The following PCDHGB5 variants were observed in gnomAD, a reference collection of about 807,000 sequenced individuals.
PCDHGB5 encodes protocadherin gamma subfamily B, 5, also known as protocadherin gamma-B5.
A neutral mutation model predicts 62.9 loss-of-function variants in PCDHGB5; 48 were observed. The observed-to-expected ratio is 0.76, with a 90% CI of 0.61 to 0.97. PCDHGB5 has a LOEUF of 0.97. PCDHGB5 is among the 50% of genes least tolerant of loss of function. The pLI, the probability that PCDHGB5 is intolerant of heterozygous loss-of-function variation, is 0.00. For synonymous variants in PCDHGB5, 474 were observed against 511.2 expected, an observed-to-expected ratio of 0.93 and a Z score of 0.98; for missense variants, 1,118 against 1,198.6, an observed-to-expected ratio of 0.93 and a Z score of 0.99.
rs2099745754 is a variant in PCDHGB5 at position 141,493,023 on chromosome 5, T to A, written c.2398-1784T>A. Among the ~76,000 whole-genome samples the A allele has an allele frequency of 6.6e-6, 1 of 152,190 alleles. No individual in the cohort carries two copies. The highest frequency in any genetic ancestry group is 2.4e-5 in the African/African-American group (1 of 41,450). On this transcript the variant is annotated intron_variant, in intron 1 of 3. Coordinates refer to ENST00000617380, the MANE Select transcript of PCDHGB5 (RefSeq NM_018925.3). The surrounding 1 kb of genome is among the most constrained non-coding windows in gnomAD (Gnocchi z 4.3). ...CTATAGGCTCTGCCAGATGCCAGGGTGCCCTTATGTGTGAGGAAACTACAA... is the reference window on the plus strand; with the variant it reads ...CTATAGGCTCTGCCAGATGCCAGGGAGCCCTTATGTGTGAGGAAACTACAA...
chr5:141,491,884 G>C lies in PCDHGB5; in HGVS notation c.2398-2923G>C, dbSNP rs745931108. 5.0e-5 allele frequency: 73 copies of C among 1,446,372 alleles called. No homozygotes were observed. The highest frequency in any genetic ancestry group is 6.3e-5 in the Non-Finnish European group (69 of 1,094,334). The allele number at this position is 1,446,372 out of a possible 1,614,324, so 89.6% of individuals were successfully genotyped here. A position where few individuals can be genotyped will look rare whatever the true frequency, so the allele number is the denominator to read the frequency against. On this transcript the variant is annotated intron_variant, in intron 1 of 3. Coordinates refer to ENST00000617380, the MANE Select transcript of PCDHGB5 (RefSeq NM_018925.3). The surrounding 1 kb of genome is among the most constrained non-coding windows in gnomAD (Gnocchi z 6.9). The stretch of plus-strand genomic sequence containing the variant: ...AACCAGAGTGGCCGATTAAGGGATG[G>C]GGCTCCGAGCACCGGGGGTGGTGGC...
At chr5:141,422,891 A>G in intron 1 of PCDHGB5, 3 of 1,614,192 alleles carry the variant, frequency 1.9e-6, no homozygotes, top group Non-Finnish European at 2.5e-6. Context: ...TTCGTGCTGG[A>G]CCAGAACGAC....
chr5:141,478,319 T>A, intron 1 of PCDHGB5: 4 of 1,614,052 alleles, frequency 2.5e-6, no homozygotes, highest in Non-Finnish European at 3.4e-6. Flanking sequence ...GAGCTCACTG[T>A]ACCGAACACC....
In PCDHGB5 at chr5:141,490,410, T is replaced by C. The variant is rs2099699827; in HGVS notation, c.2398-4397T>C. ...ATGGTGAAGTGAGCCTTGATATCTC[T>C]CCGGACCTGCCATTTCAGATTAAGC... On this transcript the variant is annotated intron_variant, in intron 1 of 3. Coordinates refer to ENST00000617380, the MANE Select transcript of PCDHGB5 (RefSeq NM_018925.3). The surrounding 1 kb of genome is among the most constrained non-coding windows in gnomAD (Gnocchi z 5.4). 1 of 1,614,172 alleles carries C rather than the reference T, an allele frequency of 6.2e-7. No individual in the cohort carries two copies. Among genetic ancestry groups the C allele is most frequent in the Non-Finnish European group, 8.5e-7 (1 of 1,180,042 alleles).
Position 141,486,895 on chromosome 5 carries a change from C to T in PCDHGB5, c.2398-7912C>T, listed in dbSNP as rs1286004461. ...TCCGTCCTCGGGCCCGGCCTGGTTC[C>T]TTATGTCCCCAAGCACTGCCTCCAT... On this transcript the variant is annotated intron_variant, in intron 1 of 3. Coordinates refer to ENST00000617380, the MANE Select transcript of PCDHGB5 (RefSeq NM_018925.3). This position sits in a 1 kb window ranked among gnomAD's most constrained non-coding sequence, Gnocchi z 5.0. 3 of 1,614,134 alleles carry T rather than the reference C, an allele frequency of 1.9e-6. No homozygotes were observed. The highest frequency in any genetic ancestry group is 3.3e-5 in the Admixed American group (2 of 60,012).
chr5:141,464,524 T>C (rs2099086175), intron 1 of PCDHGB5, among the ~76,000 whole-genome samples: 1 of 152,094 alleles, frequency 6.6e-6, no homozygotes, highest in Non-Finnish European at 1.5e-5. Context: ...AAGGCATATG[T>C]AGTTTTGTTA....
chr5:141,414,778 C>T (rs1346896593), intron 1 of PCDHGB5: 12 of 1,614,202 alleles, frequency 7.4e-6, no homozygotes, highest in Non-Finnish European at 1.0e-5. Context: ...GCTACAGATG[C>T]AGGTGACAGC....
intron 1 of PCDHGB5, among the ~76,000 whole-genome samples, chr5:141,469,882 G>A (rs760102003): frequency 2.6e-5 from 4 of 152,280 alleles, no homozygotes; most frequent in Non-Finnish European, 4.4e-5. Context: ...TGTAATCTCG[G>A]CACTTTGGGA....
chr5:141,487,749 A>G lies in PCDHGB5; in HGVS notation c.2398-7058A>G, dbSNP rs574710316. 3.9e-5 allele frequency: 60 copies of G among 1,557,180 alleles called. No homozygotes were observed. The African/African-American group carries it at 5.6e-4, about 14-fold the overall frequency. ...GTCACCATTTTTGTAAGAGGTAACT[A>G]TGTGGTAGACGCTGTGCTTTGTAAC... is the stretch of plus-strand genomic sequence containing the variant. On this transcript the variant is annotated intron_variant, in intron 1 of 3. Coordinates refer to ENST00000617380, the MANE Select transcript of PCDHGB5 (RefSeq NM_018925.3). The surrounding 1 kb of genome is among the most constrained non-coding windows in gnomAD (Gnocchi z 5.0).
chr5:141,490,010 T>C lies in PCDHGB5; in HGVS notation c.2398-4797T>C, dbSNP rs749356078. On this transcript the variant is annotated intron_variant, in intron 1 of 3. Coordinates refer to ENST00000617380, the MANE Select transcript of PCDHGB5 (RefSeq NM_018925.3). The surrounding 1 kb of genome is among the most constrained non-coding windows in gnomAD (Gnocchi z 5.4). ...GTGGGAATCCCAGAGAATGCACCCA[T>C]TGGTACTCTGCTGCTCCGCCTCAAT... 11 of 1,614,198 alleles carry C rather than the reference T, an allele frequency of 6.8e-6. No homozygotes were observed. The highest frequency in any genetic ancestry group is 2.2e-5 in the South Asian group (2 of 91,082).
chr5:141,430,380 T>TG (rs1376875091), intron 1 of PCDHGB5, among the ~76,000 whole-genome samples: 2 of 147,890 alleles, frequency 1.4e-5, no homozygotes, highest in African/African-American at 5.0e-5. Context: ...AAAAGCTCAT[T>TG]GGGAAAAAAA....
At chr5:141,417,781 G>C in intron 1 of PCDHGB5, 1 of 1,473,574 alleles carries the variant, frequency 6.8e-7, no homozygotes. Flanking sequence ...CCTGTCCTGG[G>C]CCGAATGCTC....
intron 1 of PCDHGB5, among the ~76,000 whole-genome samples, chr5:141,494,199 G>A (rs1033914239): frequency 1.3e-5 from 2 of 152,160 alleles, no homozygotes; most frequent in South Asian, 2.1e-4. Context: ...TGGATGCCCC[G>A]CAAAGGCCCA....
rs1410419839 is a variant in PCDHGB5 at position 141,429,391 on chromosome 5, A to ATTTT, written c.2397+28867_2397+28868insTTTT. Among the ~76,000 whole-genome samples, 380 of 151,312 alleles carry ATTTT rather than the reference A, an allele frequency of 2.5e-3. 1 individual carries two copies. The highest frequency in any genetic ancestry group is 4.2e-3 in the South Asian group (20 of 4,768). On this transcript the variant is annotated intron_variant, in intron 1 of 3. Coordinates refer to ENST00000617380, the MANE Select transcript of PCDHGB5 (RefSeq NM_018925.3). The stretch of plus-strand genomic sequence containing the variant: ...GGAGAAAATGTGTTTTTTTTTTAAA[A>ATTTT]AAAATTGAGATTAAGGTCTCATTAT...
chr5:141,453,870 C>A (rs932804656), intron 1 of PCDHGB5, among the ~76,000 whole-genome samples: 2 of 152,146 alleles, frequency 1.3e-5, no homozygotes, highest in African/African-American at 4.8e-5. Context: ...AACAGATGAG[C>A]AAAATAATGT....
At chr5:141,494,362 A>T (rs527454959) in intron 1 of PCDHGB5, among the ~76,000 whole-genome samples, 47 of 152,300 alleles carry the variant, frequency 3.1e-4, no homozygotes, top group Admixed American at 8.5e-4. Context: ...GCTGCAGAGG[A>T]TGCTTTGTTC....
chr5:141,477,312 T>G lies in PCDHGB5; in HGVS notation c.2398-17495T>G. On this transcript the variant is annotated intron_variant, in intron 1 of 3. Coordinates refer to ENST00000617380, the MANE Select transcript of PCDHGB5 (RefSeq NM_018925.3). This position sits in a 1 kb window ranked among gnomAD's most constrained non-coding sequence, Gnocchi z 4.9. ...GTTCCACCGGGTCTCCCTTTCAGCC[T>G]TACTTCTTCCCTCAAGAATTACTTC... The G allele has an allele frequency of 1.2e-6, 2 of 1,614,162 alleles. No individual in the cohort carries two copies. The highest frequency in any genetic ancestry group is 1.7e-6 in the Non-Finnish European group (2 of 1,180,032).
intron 1 of PCDHGB5, chr5:141,428,158 G>C (rs776350833): frequency 3.8e-6 from 6 of 1,577,610 alleles, no homozygotes; most frequent in Non-Finnish European, 5.2e-6. Context: ...GGAACCTGCT[G>C]GTTGCTGTGC....
chr5:141,461,355 G>A (rs993200082), intron 1 of PCDHGB5, among the ~76,000 whole-genome samples: 3 of 152,022 alleles, frequency 2.0e-5, no homozygotes, highest in Non-Finnish European at 2.9e-5. Flanking sequence ...GTGGTAGCTC[G>A]TTGTGGTTTT....
Sources: allele counts gnomAD v4.1 joint callset (sites outside exome capture counted in the v4.1 genomes callset), GRCh38; gene constraint gnomAD v4.1.1; non-coding constraint Gnocchi (gnomAD v3.1); transcripts MANE v1.5; gene names NCBI Gene and HGNC (gene_info 2026-07-23, HGNC 2026-07-21).